Variants in CTNNA3 observed in about 807,000 individuals in gnomAD.
The protein encoded by CTNNA3 is catenin alpha-3.
In CTNNA3, 76 loss-of-function variants were observed where a neutral mutation model predicts 95.7. That is an observed-to-expected ratio of 0.79 (90% CI 0.66 to 0.96). The LOEUF (loss-of-function observed/expected upper bound fraction) is 0.96. Ranked by LOEUF, CTNNA3 falls within the 40% of genes least tolerant of loss-of-function variation. CTNNA3 has a pLI of 0.00. For missense variants in CTNNA3, 1,191 were observed against 1,089.8 expected, an observed-to-expected ratio of 1.09 and a Z score of -1.31; for synonymous variants, 431 against 374.4, an observed-to-expected ratio of 1.15 and a Z score of -1.74.
At chr10:66,376,146 C>T (rs1438966416) in intron 12 of CTNNA3, among the ~76,000 whole-genome samples, 1 of 152,134 alleles carries the variant, frequency 6.6e-6, no homozygotes, top group African/African-American at 2.4e-5. Flanking sequence ...TTATGTCCGT[C>T]CACTTCCAGT....
At chr10:66,088,925 T>A (rs1177355020) in intron 14 of CTNNA3, among the ~76,000 whole-genome samples, 4 of 152,218 alleles carry the variant, frequency 2.6e-5, no homozygotes, top group Non-Finnish European at 4.4e-5. Flanking sequence ...GAAAGTGGGG[T>A]GAGGAGTCAT....
intron 7 of CTNNA3, among the ~76,000 whole-genome samples, chr10:67,145,023 C>A (rs1860773156): frequency 6.6e-6 from 1 of 152,050 alleles, no homozygotes. Flanking sequence ...GGCCTAATTT[C>A]AATATTGTTG....
At chr10:66,886,345 G>A (rs1845043273) in intron 7 of CTNNA3, among the ~76,000 whole-genome samples, 1 of 152,082 alleles carries the variant, frequency 6.6e-6, no homozygotes, top group South Asian at 2.1e-4. Context: ...CTGTGACTGA[G>A]CATGAAATCA....
At chr10:67,064,814 GT>G (rs139766808) in intron 7 of CTNNA3, among the ~76,000 whole-genome samples, 8,371 of 152,188 alleles carry the variant, frequency 0.055, 336 homozygotes, top group South Asian at 0.19. Context: ...ATTAGATGTG[GT>G]AACTTCTTTT....
chr10:66,359,781 A>G (rs1313921070), intron 12 of CTNNA3, among the ~76,000 whole-genome samples: 1 of 150,758 alleles, frequency 6.6e-6, no homozygotes, highest in Non-Finnish European at 1.5e-5. Flanking sequence ...GGTTAAAGTG[A>G]TCTTCTAATT....
intron 13 of CTNNA3, among the ~76,000 whole-genome samples, chr10:66,120,181 A>T (rs2082517882): frequency 6.6e-6 from 1 of 152,178 alleles, no homozygotes; most frequent in Non-Finnish European, 1.5e-5. Context: ...CAAATAATTA[A>T]TTTTAAATTA....
At chr10:66,493,903 C>CTTTT (rs1181967222) in intron 11 of CTNNA3, among the ~76,000 whole-genome samples, 25 of 98,122 alleles carry the variant, frequency 2.5e-4, no homozygotes, top group African/African-American at 7.9e-4. Flanking sequence ...CTGCGCCGGC[C>CTTTT]TTTTTTTTTT....
intron 5 of CTNNA3, among the ~76,000 whole-genome samples, chr10:67,269,114 G>A (rs1233463883): frequency 6.6e-6 from 1 of 152,058 alleles, no homozygotes; most frequent in Non-Finnish European, 1.5e-5. Flanking sequence ...GTGGATTCAG[G>A]GGAGTAGTAA....
chr10:67,289,610 C>T (rs182005402), intron 5 of CTNNA3, among the ~76,000 whole-genome samples: 1 of 152,252 alleles, frequency 6.6e-6, no homozygotes, highest in East Asian at 1.9e-4. Context: ...TCATCTAAAA[C>T]ATGTTCAGTA....
chr10:66,564,535 G>A (rs1055317194), intron 10 of CTNNA3, among the ~76,000 whole-genome samples: 1 of 152,166 alleles, frequency 6.6e-6, no homozygotes, highest in Non-Finnish European at 1.5e-5. Flanking sequence ...TTAACTACTG[G>A]TTGGCAAATA....
At chr10:66,754,112 A>G (rs907694475) in intron 9 of CTNNA3, among the ~76,000 whole-genome samples, 1 of 152,200 alleles carries the variant, frequency 6.6e-6, no homozygotes, top group African/African-American at 2.4e-5. Context: ...GAGGATTCAT[A>G]CTTTCTGGTT....
rs369993713 is a variant in CTNNA3 at position 66,201,222 on chromosome 10, T to A, written c.1884+79248A>T. ...CTACCCAGACAAATATTCAGTTTAG[T>A]TGCATCATTATTACCTTCACTAACT... On this transcript the variant is annotated intron_variant, in intron 13 of 17. Coordinates refer to ENST00000433211, the MANE Select transcript of CTNNA3 (RefSeq NM_013266.4). Among the ~76,000 whole-genome samples the A allele has an allele frequency of 2.6e-5, 4 of 152,342 alleles. No individual in the cohort carries two copies. In the East Asian group the frequency reaches 5.8e-4, roughly 22 times the overall value.
intron 9 of CTNNA3, among the ~76,000 whole-genome samples, chr10:66,633,835 C>A (rs532351183): frequency 1.3e-5 from 2 of 152,066 alleles, no homozygotes; most frequent in Admixed American, 1.3e-4. Flanking sequence ...GTTTCTATAT[C>A]GACTGAAGTT....
chr10:67,122,472 A>C (rs556862590), intron 7 of CTNNA3, among the ~76,000 whole-genome samples: 1 of 152,246 alleles, frequency 6.6e-6, no homozygotes, highest in South Asian at 2.1e-4. Context: ...TTAGCCATTA[A>C]TTTATAAAAT....
chr10:66,726,793 T>C (rs1848795909), intron 9 of CTNNA3, among the ~76,000 whole-genome samples: 1 of 148,248 alleles, frequency 6.7e-6, no homozygotes, highest in African/African-American at 2.5e-5. Context: ...AGTAGCCTGT[T>C]GGGAAGACAG....
chr10:67,736,749 C>G (rs1841305191), intron 1 of CTNNA3, among the ~76,000 whole-genome samples: 1 of 151,896 alleles, frequency 6.6e-6, no homozygotes, highest in South Asian at 2.1e-4. Context: ...CACACCCGGC[C>G]CACATTTTTT....
chr10:67,440,515 T>A (rs1265028215), intron 5 of CTNNA3, among the ~76,000 whole-genome samples: 5 of 152,048 alleles, frequency 3.3e-5, no homozygotes, highest in Non-Finnish European at 7.4e-5. Flanking sequence ...GTGGTTACAG[T>A]AAGCCTTTGG....
chr10:66,167,940 A>T (rs1028786619), intron 13 of CTNNA3, among the ~76,000 whole-genome samples: 1 of 152,174 alleles, frequency 6.6e-6, no homozygotes. Context: ...AGCACAGCCC[A>T]TGGGAAATGT....
chr10:67,275,531 C>A (rs748529472), intron 5 of CTNNA3, among the ~76,000 whole-genome samples: 1 of 150,402 alleles, frequency 6.6e-6, no homozygotes, highest in Non-Finnish European at 1.5e-5. Flanking sequence ...TATAAAAAAC[C>A]GAAGAAATTG....
Sources: gnomAD v4.1 joint callset for allele counts (sites outside exome capture counted in the v4.1 genomes callset) on GRCh38, gnomAD v4.1.1 for gene constraint, MANE v1.5 for transcripts, NCBI Gene and HGNC (gene_info 2026-07-23, HGNC 2026-07-21) for gene names.